Variants in HTR3E observed in about 807,000 individuals in gnomAD.
HTR3E encodes the protein 5-hydroxytryptamine (serotonin) receptor 3, family member E.
Under a neutral mutation model 38.0 loss-of-function variants are expected in HTR3E, and 38 were observed. The observed-to-expected ratio is 1.00, with a 90% CI of 0.77 to 1.31. HTR3E has a LOEUF of 1.31. Among genes scored for constraint, HTR3E ranks in the 50% most tolerant of loss-of-function variants. HTR3E has a pLI of 0.00. For synonymous variants in HTR3E, 210 were observed against 232.9 expected, an observed-to-expected ratio of 0.90 and a Z score of 0.89; for missense variants, 547 against 585.2, an observed-to-expected ratio of 0.93 and a Z score of 0.67.
At chr3:184,101,585 G>A (rs1712048894) in intron 3 of HTR3E, 56 bp downstream of exon 3, 7 of 1,372,068 alleles carry the variant, frequency 5.1e-6, no homozygotes, top group South Asian at 3.5e-5. Flanking sequence ...GATTTTAAAC[G>A]AAGATATAAT....
chr3:184,102,742 T>G (rs1437337320), intron 3 of HTR3E, among the ~76,000 whole-genome samples: 1 of 151,408 alleles, frequency 6.6e-6, no homozygotes, highest in Non-Finnish European at 1.5e-5. Flanking sequence ...CTGGGCAACA[T>G]GGTGAAACAC....
Position 184,101,532 on chromosome 3 carries a change from A to T in HTR3E, c.279+3A>T. On this transcript the variant is annotated splice_donor_region_variant and intron_variant, in intron 3 of 8. Transcript: ENST00000415389. Reference sequence around the variant, plus strand: ...CATCATTCCTGTGGCTGGAAATGGTATGGACAACACTTTATTCTCTCCCTA... The same window carrying T: ...CATCATTCCTGTGGCTGGAAATGGTTTGGACAACACTTTATTCTCTCCCTA... 5 of 1,608,332 alleles carry T rather than the reference A, an allele frequency of 3.1e-6. No homozygotes were observed. Among genetic ancestry groups the T allele is most frequent in the Non-Finnish European group, 4.3e-6 (5 of 1,174,600 alleles).
In HTR3E at chr3:184,100,066, G is replaced by A. The variant is rs747025105; in HGVS notation, c.68-419G>A. On this transcript the variant is annotated intron_variant, in intron 1 of 8. Transcript: ENST00000415389. ...GCATTCCAGCTCACCCCATCCTCCC[G>A]GGCCTCGGAAGGAAGAGCCCAGCGT... 4.0e-5 allele frequency: 46 copies of A among 1,145,460 alleles called. No individual in the cohort carries two copies. The South Asian group carries it at 5.1e-4, about 13-fold the overall frequency. The allele number at this position is 1,145,460 out of a possible 1,614,324, so 71.0% of individuals were successfully genotyped here.
At position 184,105,955 on chromosome 3, in the gene HTR3E, G is replaced by A. The variant is rs988662995; in HGVS notation, c.911G>A (p.Gly304Asp). The A allele has an allele frequency of 6.2e-7, 1 of 1,614,172 alleles. No homozygotes were observed. Among genetic ancestry groups the A allele is most frequent in the Non-Finnish European group, 8.5e-7 (1 of 1,180,032 alleles). Residue 304 changes from glycine to aspartate, a missense_variant, in exon 7 of 9, where the codon GGC (glycine) becomes GAC (aspartate). Physicochemically the swap from Gly to Asp is moderately conservative, Grantham distance 94. Coordinates refer to ENST00000415389, the MANE Select transcript of HTR3E (RefSeq NM_001256613.2). ...ATGAGTGACTTGCTCCCCACCAGTG[G>A]CACCCCCCTCATCGGTATGGCTCCT... ...LMMSDLLPTS[G>D]TPLIGVYFAL...
Position 184,105,785 on chromosome 3 carries a change from C to T in HTR3E, c.741C>T (p.Pro247=). The T allele has an allele frequency of 6.2e-7, 1 of 1,614,160 alleles. No homozygotes were observed. The highest frequency in any genetic ancestry group is 8.5e-7 in the Non-Finnish European group (1 of 1,180,016). The change falls in exon 7 of 9, where the codon CCC becomes CCT. Residue 247 remains proline, a synonymous_variant. Transcript: ENST00000415389. ...IVFYVAIRRR[P]SLYVINLLVP... ...ACCAGGTGGCCATCAGGCGCAGGCC[C>T]AGTCTCTATGTCATAAACCTTCTCG...
At chr3:184,105,072 G>A (rs1196834492) in intron 5 of HTR3E, 116 bp downstream of exon 5, 4 of 1,188,352 alleles carry the variant, frequency 3.4e-6, no homozygotes, top group Non-Finnish European at 4.7e-6. Context: ...AAGGCTCTAT[G>A]GATGCTAAAA....
intron 6 of HTR3E, 41 bp from the exon 7 acceptor site, chr3:184,105,724 C>G (rs1372862086): frequency 6.7e-7 from 1 of 1,501,452 alleles, no homozygotes. Flanking sequence ...GAGGGTTCCT[C>G]TGACCCCATA....
chr3:184,100,896 G>C (rs1428022558), intron 2 of HTR3E, among the ~76,000 whole-genome samples: 1 of 152,034 alleles, frequency 6.6e-6, no homozygotes, highest in East Asian at 1.9e-4. Context: ...TAATCTCAGA[G>C]GTTTTGATTG....
rs760506598 is a variant in HTR3E, at chr3:184,100,619, A to G, written c.202A>G (p.Ile68Val). The change falls in exon 2 of 9, where the codon ATC (isoleucine) becomes GTC (valine). Residue 68 changes from isoleucine to valine, a missense_variant. Physicochemically the swap from Ile to Val is conservative, Grantham distance 29 (BLOSUM62 3). Coordinates refer to ENST00000415389, the MANE Select transcript of HTR3E (RefSeq NM_001256613.2). ...CATCAGCGTCCCCACCCAAGTCAACATCTCCTTCGCGATGTCTGCCATCCT... is the reference window on the plus strand; with the variant it reads ...CATCAGCGTCCCCACCCAAGTCAACGTCTCCTTCGCGATGTCTGCCATCCT... ...TNISVPTQVN[I>V]SFAMSAILDV... 4 of 1,613,916 alleles carry G rather than the reference A, an allele frequency of 2.5e-6. No homozygotes were observed. Among genetic ancestry groups the G allele is most frequent in the Admixed American group, 3.3e-5 (2 of 60,002 alleles).
intron 1 of HTR3E, among the ~76,000 whole-genome samples, chr3:184,099,850 A>C (rs1711907151): frequency 6.6e-6 from 1 of 152,134 alleles, no homozygotes; most frequent in South Asian, 2.1e-4. Flanking sequence ...AGTAAGAAGG[A>C]AGGTTGGGGC....
At chr3:184,104,406 A>C in intron 4 of HTR3E, 115 bp downstream of exon 4, 1 of 1,465,086 alleles carries the variant, frequency 6.8e-7, no homozygotes, top group Non-Finnish European at 9.0e-7. Flanking sequence ...ACAACCAGAG[A>C]GATAAGAAGA....
chr3:184,104,647 A>G, intron 4 of HTR3E, 140 bp from the exon 5 acceptor site: 1 of 714,192 alleles, frequency 1.4e-6, no homozygotes, highest in South Asian at 2.3e-5. Context: ...AGCCCAGGAC[A>G]TGGAAGTTGC....
At chr3:184,101,654 A>C (rs1712051691) in intron 3 of HTR3E, 125 bp downstream of exon 3, 1 of 821,424 alleles carries the variant, frequency 1.2e-6, no homozygotes, top group Non-Finnish European at 2.1e-6. Flanking sequence ...GAAATTGAAA[A>C]ATCGACCATA....
chr3:184,101,027 TC>T (rs1712006492), intron 2 of HTR3E, among the ~76,000 whole-genome samples: 1 of 152,286 alleles, frequency 6.6e-6, no homozygotes, highest in Non-Finnish European at 1.5e-5. Context: ...CACTGCAACC[TC>T]CACCTCCTGG....
In HTR3E at chr3:184,097,423, C is replaced by A. The variant is rs976868890; in HGVS notation, c.-107C>A. The A allele has an allele frequency of 2.7e-6, 2 of 747,316 alleles. No homozygotes were observed. Among genetic ancestry groups the A allele is most frequent in the African/African-American group, 1.8e-5 (1 of 56,906 alleles). 46.3% of individuals were successfully genotyped at this position (747,316 alleles called of 1,614,324 possible). ...AAGGTTACAAATGTCAGTGGTCAAC[C>A]AATGCTATTAGTATTCAAAGTCAGA... is the stretch of plus-strand genomic sequence containing the variant. On this transcript the variant is annotated 5_prime_UTR_variant, in exon 1 of 9. Coordinates refer to ENST00000415389, the MANE Select transcript of HTR3E (RefSeq NM_001256613.2).
intron 1 of HTR3E, among the ~76,000 whole-genome samples, chr3:184,099,448 C>T (rs1711849149): frequency 6.6e-6 from 1 of 152,114 alleles, no homozygotes; most frequent in Non-Finnish European, 1.5e-5. Flanking sequence ...GGCACGGTGG[C>T]TCACGCCTGT....
Position 184,106,513 on chromosome 3 carries a change from G to A in HTR3E, c.1191G>A (p.Glu397=), listed in dbSNP as rs1712471143. The A allele has an allele frequency of 1.2e-6, 2 of 1,612,570 alleles. No individual in the cohort carries two copies. The highest frequency in any genetic ancestry group is 1.7e-4 in the Middle Eastern group (1 of 6,050). Residue 397 remains glutamate, a synonymous_variant, in exon 9 of 9, where the codon GAG becomes GAA. Coordinates refer to ENST00000415389, the MANE Select transcript of HTR3E (RefSeq NM_001256613.2). The surrounding 1 kb of genome is among the most constrained non-coding windows in gnomAD (Gnocchi z 4.1). The part of the protein sequence containing the change: ...VSAGQMPGPA[E]AELTGGSEWT... Reference sequence around the variant, plus strand: ...CAGGGCAGATGCCGGGCCCTGCGGAGGCAGAGCTGACAGGGGGCTCAGAAT... The same window carrying A: ...CAGGGCAGATGCCGGGCCCTGCGGAAGCAGAGCTGACAGGGGGCTCAGAAT...
chr3:184,104,268 C>T lies in HTR3E; in HGVS notation c.366C>T (p.Leu122=), dbSNP rs1409645485. The T allele has an allele frequency of 3.7e-6, 6 of 1,612,346 alleles. No individual in the cohort carries two copies. The African/African-American group carries it at 8.0e-5, about 22-fold the overall frequency. Residue 122 remains leucine, a synonymous_variant, in exon 4 of 9, where the codon CTC becomes CTT. Coordinates refer to ENST00000415389, the MANE Select transcript of HTR3E (RefSeq NM_001256613.2). ...KMSMAAKNLW[L]PDIFIIELMD... is the part of the protein sequence containing the mutation. The stretch of plus-strand genomic sequence containing the variant: ...GTATGGCAGCCAAGAACCTGTGGCT[C>T]CCAGACATTTTCATCATTGAACTGT...
chr3:184,097,605 G>A lies in HTR3E; in HGVS notation c.67+9G>A, dbSNP rs905611503. The A allele has an allele frequency of 5.9e-6, 9 of 1,533,506 alleles. No individual in the cohort carries two copies. In the Admixed American group the frequency reaches 1.8e-4, roughly 30 times the overall value. 95.0% of individuals were successfully genotyped at this position (1,533,506 alleles called of 1,614,324 possible). On this transcript the variant is annotated intron_variant, in intron 1 of 8. Transcript: ENST00000415389. Reference sequence around the variant, plus strand: ...CGGTTTTCTGCTTCAAGGTAAGAAAGGAGCAATGATGGGGGAAGGCGGAAG... The same window carrying A: ...CGGTTTTCTGCTTCAAGGTAAGAAAAGAGCAATGATGGGGGAAGGCGGAAG...
Sources: gnomAD v4.1 joint callset for allele counts (sites outside exome capture counted in the v4.1 genomes callset) on GRCh38, gnomAD v4.1.1 for gene constraint, Gnocchi (gnomAD v3.1) non-coding constraint, MANE v1.5 for transcripts, NCBI Gene and HGNC (gene_info 2026-07-23, HGNC 2026-07-21) for gene names.